The following MAPKBP1 variants were observed in gnomAD, a reference collection of about 807,000 sequenced individuals.
MAPKBP1 encodes mitogen-activated protein kinase-binding protein 1.
MAPKBP1 carries 71 observed loss-of-function variants against 170.5 expected under a neutral mutation model. The ratio of observed to expected loss-of-function variants is 0.42; its 90% confidence interval spans 0.34 to 0.51. The LOEUF (loss-of-function observed/expected upper bound fraction) is 0.51, where lower values mean the gene tolerates loss of function less well. Ranked by LOEUF, MAPKBP1 falls within the 20% of genes least tolerant of loss-of-function variation. The pLI, the probability that MAPKBP1 is intolerant of heterozygous loss-of-function variation, is 0.06. For missense variants in MAPKBP1, 1,598 were observed against 1,933.0 expected, an observed-to-expected ratio of 0.83 and a Z score of 3.25; for synonymous variants, 719 against 757.9, an observed-to-expected ratio of 0.95 and a Z score of 0.84.
rs763166482 is a variant in MAPKBP1 at position 41,821,748 on chromosome 15, C to T, written c.2883C>T (p.Thr961=). The T allele has an allele frequency of 3.1e-6, 5 of 1,613,494 alleles. No individual in the cohort carries two copies. Among genetic ancestry groups the T allele is most frequent in the Non-Finnish European group, 4.2e-6 (5 of 1,179,972 alleles). The change falls in exon 24 of 31, where the codon ACC becomes ACT. Residue 961 remains threonine (T), a splice_region_variant and synonymous_variant. Transcript: ENST00000457542. Reference sequence around the variant, plus strand: ...CGAGTGACAACCCCACCATGGATACCAGGCAAGGATCCTGCCCTAGCCAGA... The same window carrying T: ...CGAGTGACAACCCCACCATGGATACTAGGCAAGGATCCTGCCCTAGCCAGA... The part of the protein sequence containing the change: ...PEPSDNPTMD[T]SEFQVQAPAR...
chr15:41,821,620 T>C lies in MAPKBP1; in HGVS notation c.2755T>C (p.Cys919Arg). ...CCCTCGGCCTCAGGCTTCCCAACCT[T>C]GTTCCTATCCCCATATTATCCGATT... ...KPPRPQASQP[C>R]SYPHIIRLLS... The change falls in exon 24 of 31, where the codon TGT becomes CGT. Residue 919 changes from cysteine (C) to arginine (R), a missense_variant. Physicochemically the swap from Cys to Arg is radical, Grantham distance 180. Coordinates refer to ENST00000457542, the MANE Select transcript of MAPKBP1 (RefSeq NM_014994.3). 1 of 1,613,940 alleles carries C rather than the reference T, an allele frequency of 6.2e-7. No homozygotes were observed. The highest frequency in any genetic ancestry group is 1.7e-5 in the Admixed American group (1 of 59,994).
In MAPKBP1 at chr15:41,817,040, G is replaced by A. The variant is rs148770114; in HGVS notation, c.1711+5G>A. 4.9e-4 allele frequency: 769 copies of A among 1,578,774 alleles called. 1 individual carries two copies. The highest frequency in any genetic ancestry group is 7.8e-4 in the Admixed American group (44 of 56,452). ...TCACTGCTGTTAAGTTTGCAGGTGC[G>A]GGCAGGGTGAATGAGACACATCCTG... On this transcript the variant is annotated splice_donor_5th_base_variant and intron_variant, in intron 14 of 30. Transcript: ENST00000457542. This position sits in a 1 kb window ranked among gnomAD's most constrained non-coding sequence, Gnocchi z 4.2.
Position 41,821,624 on chromosome 15 carries a change from C to A in MAPKBP1, c.2759C>A (p.Ser920Tyr), listed in dbSNP as rs199864678. 6.2e-7 allele frequency: 1 copy of A among 1,613,926 alleles called. No homozygotes were observed. The highest frequency in any genetic ancestry group is 8.5e-7 in the Non-Finnish European group (1 of 1,180,002). The change falls in exon 24 of 31, where the codon TCC becomes TAC. Residue 920 changes from serine (S) to tyrosine (Y), a missense_variant. Transcript: ENST00000457542. ...CGGCCTCAGGCTTCCCAACCTTGTTCCTATCCCCATATTATCCGATTATTG... is the reference window on the plus strand; with the variant it reads ...CGGCCTCAGGCTTCCCAACCTTGTTACTATCCCCATATTATCCGATTATTG... ...PPRPQASQPCSYPHIIRLLSQ... is the reference protein window; with the variant it reads ...PPRPQASQPCYYPHIIRLLSQ...
chr15:41,787,920 G>A (rs1225800609), intron 2 of MAPKBP1, among the ~76,000 whole-genome samples: 1 of 152,076 alleles, frequency 6.6e-6, no homozygotes, highest in African/African-American at 2.4e-5. Context: ...ATTAACCAAA[G>A]AGTATTCATA....
At chr15:41,808,707 C>T (rs761148195) in intron 3 of MAPKBP1, among the ~76,000 whole-genome samples, 4 of 151,686 alleles carry the variant, frequency 2.6e-5, no homozygotes, top group Non-Finnish European at 5.9e-5. Flanking sequence ...AACTCCTGAC[C>T]TCAGGTGATC....
intron 2 of MAPKBP1, among the ~76,000 whole-genome samples, chr15:41,793,964 G>A (rs187380123): frequency 6.6e-6 from 1 of 152,280 alleles, no homozygotes; most frequent in Admixed American, 6.5e-5. Flanking sequence ...GGGCGCGGTG[G>A]CTCACTCCTG....
rs8038585 is a variant in MAPKBP1 at position 41,822,928 on chromosome 15, T to C, written c.3315-11T>C. The C allele has an allele frequency of 2.1e-5, 33 of 1,591,216 alleles. No individual in the cohort carries two copies. Among genetic ancestry groups the C allele is most frequent in the Non-Finnish European group, 2.4e-5 (28 of 1,164,690 alleles). ...CTTCTCTGGGCCTTCTCCCACATGT[T>C]CTCCCTGTAGGGAACCATCCCCATC... On this transcript the variant is annotated splice_polypyrimidine_tract_variant and intron_variant, in intron 27 of 30. Transcript: ENST00000457542.
chr15:41,799,768 C>A, intron 2 of MAPKBP1, 55 bp from the exon 3 acceptor site: 1 of 1,482,592 alleles, frequency 6.7e-7, no homozygotes, highest in Non-Finnish European at 9.4e-7. Context: ...CCTTCAGCAC[C>A]TTCTTCCCAA....
intron 2 of MAPKBP1, among the ~76,000 whole-genome samples, chr15:41,781,362 C>T (rs1319199703): frequency 1.3e-5 from 2 of 151,052 alleles, no homozygotes; most frequent in Non-Finnish European, 1.5e-5. Context: ...TTTTTGGTTG[C>T]TTCCCTATTT....
Position 41,827,536 on chromosome 15 carries a change from G to A in MAPKBP1, c.*2100G>A, listed in dbSNP as rs963405385. On this transcript the variant is annotated 3_prime_UTR_variant, in exon 31 of 31. Coordinates refer to ENST00000457542, the MANE Select transcript of MAPKBP1 (RefSeq NM_014994.3). Reference sequence around the variant, plus strand: ...TCGCCCTCTGGGCCAGGTCCTTCACGAGGAGGGAGCTACCCTTCGCCAGAA... The same window carrying A: ...TCGCCCTCTGGGCCAGGTCCTTCACAAGGAGGGAGCTACCCTTCGCCAGAA... The A allele has an allele frequency of 5.2e-5, 8 of 152,408 alleles. No homozygotes were observed. The highest frequency in any genetic ancestry group is 3.3e-4 in the Admixed American group (5 of 15,302). The allele number at this position is 152,408 out of a possible 1,614,324, so 9.4% of individuals were successfully genotyped here.
chr15:41,824,503 G>A lies in MAPKBP1; in HGVS notation c.4233G>A (p.Glu1411=), dbSNP rs181796400. 28 of 1,600,378 alleles carry A rather than the reference G, an allele frequency of 1.7e-5. No individual in the cohort carries two copies. In the East Asian group the frequency reaches 6.3e-4, roughly 36 times the overall value. ...SQDSEPAVSL[E]QCEQLVAELR... Reference sequence around the variant, plus strand: ...TTTCAGAGCCAGCGGTGAGCCTGGAGCAGTGTGAGCAGCTGGTGGCAGAGC... The same window carrying A: ...TTTCAGAGCCAGCGGTGAGCCTGGAACAGTGTGAGCAGCTGGTGGCAGAGC... Residue 1411 remains glutamate, a synonymous_variant, in exon 30 of 31, where the codon GAG becomes GAA. Coordinates refer to ENST00000457542, the MANE Select transcript of MAPKBP1 (RefSeq NM_014994.3).
At chr15:41,784,036 C>G (rs918114038) in intron 2 of MAPKBP1, among the ~76,000 whole-genome samples, 3 of 152,116 alleles carry the variant, frequency 2.0e-5, no homozygotes, top group African/African-American at 7.2e-5. Context: ...ATTCTTGCAC[C>G]TCTACGCTAC....
rs752835842 is a variant in MAPKBP1, at chr15:41,815,588, C to T, written c.1318-36C>T. 1.9e-6 allele frequency: 3 copies of T among 1,598,636 alleles called. No individual in the cohort carries two copies. The South Asian group carries it at 3.4e-5, about 18-fold the overall frequency. ...GCCCCTTGCAGCTGTACTGGTCAGG[C>T]CTGCCTCATCCACCTTTTCTAACCT... On this transcript the variant is annotated intron_variant, in intron 11 of 30. Coordinates refer to ENST00000457542, the MANE Select transcript of MAPKBP1 (RefSeq NM_014994.3).
chr15:41,816,277 T>C (rs1479627326), intron 12 of MAPKBP1: 4 of 450,534 alleles, frequency 8.9e-6, no homozygotes, highest in Admixed American at 3.6e-5. Context: ...AAAAAGGACA[T>C]AGTAGGAAAA....
chr15:41,823,191 G>A lies in MAPKBP1; in HGVS notation c.3567G>A (p.Lys1189=). ...ATASPFSGLQ[K]AQSVHSLVPQ... ...CCAGCCCCTTTTCTGGACTCCAGAA[G>A]GCCCAGTCTGTGCACAGTCTGGTGC... The change falls in exon 28 of 31, where the codon AAG becomes AAA. Residue 1189 remains lysine (K), a synonymous_variant. Transcript: ENST00000457542. The A allele has an allele frequency of 6.2e-7, 1 of 1,613,630 alleles. No individual in the cohort carries two copies. Among genetic ancestry groups the A allele is most frequent in the South Asian group, 1.1e-5 (1 of 91,076 alleles).
chr15:41,790,367 C>A (rs1222977404), intron 2 of MAPKBP1, among the ~76,000 whole-genome samples: 1 of 152,144 alleles, frequency 6.6e-6, no homozygotes, highest in Non-Finnish European at 1.5e-5. Context: ...CAGAATCTTG[C>A]AGTCAGGGGA....
intron 3 of MAPKBP1, among the ~76,000 whole-genome samples, chr15:41,801,317 C>T (rs1387302695): frequency 2.6e-5 from 4 of 152,194 alleles, no homozygotes; most frequent in Non-Finnish European, 5.9e-5. Context: ...AAACCTCCAA[C>T]CATAGTTTCT....
chr15:41,775,455 C>G (rs1166462386), intron 2 of MAPKBP1, 66 bp downstream of exon 2: 1 of 1,170,016 alleles, frequency 8.5e-7, no homozygotes, highest in Non-Finnish European at 1.3e-6. Flanking sequence ...CCTCGTTAAC[C>G]TTCCTGTTTC....
In MAPKBP1 at chr15:41,801,403, T is replaced by C. The variant is rs2064591561; in HGVS notation, c.206+1489T>C. 2.0e-5 allele frequency among the ~76,000 whole-genome samples: 3 copies of C among 152,312 alleles called. No homozygotes were observed. In the South Asian group the frequency reaches 6.2e-4, roughly 32 times the overall value. ...TTCCATGCTGATAGGCACAGGAATGTGAAAATGAGTAGCGCTACTGCTGTA... is the reference window on the plus strand; with the variant it reads ...TTCCATGCTGATAGGCACAGGAATGCGAAAATGAGTAGCGCTACTGCTGTA... On this transcript the variant is annotated intron_variant, in intron 3 of 30. Coordinates refer to ENST00000457542, the MANE Select transcript of MAPKBP1 (RefSeq NM_014994.3).
Sources: allele counts gnomAD v4.1 joint callset (sites outside exome capture counted in the v4.1 genomes callset), GRCh38; gene constraint gnomAD v4.1.1; non-coding constraint Gnocchi (gnomAD v3.1); transcripts MANE v1.5; gene names NCBI Gene and HGNC (gene_info 2026-07-23, HGNC 2026-07-21).